The following HNRNPU variants were observed in gnomAD, a reference collection of about 807,000 sequenced individuals.
HNRNPU encodes heterogeneous nuclear ribonucleoprotein U.
Under a neutral mutation model 94.7 loss-of-function variants are expected in HNRNPU, and 5 were observed. The observed-to-expected ratio is 0.05, with a 90% CI of 0.03 to 0.11. HNRNPU has a LOEUF of 0.11. HNRNPU is among the 10% of genes least tolerant of loss of function. The pLI is 1.00. For missense variants in HNRNPU, 710 were observed against 1,049.2 expected, an observed-to-expected ratio of 0.68 and a Z score of 4.47; for synonymous variants, 434 against 381.6, an observed-to-expected ratio of 1.14 and a Z score of -1.60.
At position 244,863,647 on chromosome 1, in the gene HNRNPU, CTCCGCCGCCT is replaced by C. The variant is rs779453109; in HGVS notation, c.651_660del (p.Gly218AlafsTer118). 2.4e-5 allele frequency: 38 copies of C among 1,552,150 alleles called. No individual in the cohort carries two copies. Among genetic ancestry groups the C allele is most frequent in the Middle Eastern group, 2.2e-4 (1 of 4,650 alleles). On this transcript the variant is annotated frameshift_variant, in exon 1 of 14. Transcript: ENST00000640218. LOFTEE classifies it high-confidence loss of function. ...GCCGGAGCCCCGGGGCGACCGCCGC[CTCCGCCGCCT>C]TCCGCCTTCTTCTTACCTCCCGCCT...
intron 12 of HNRNPU, 87 bp from the exon 13 acceptor site, chr1:244,855,131 G>A: frequency 2.9e-6 from 3 of 1,033,726 alleles, no homozygotes; most frequent in South Asian, 2.5e-5. Context: ...GAAATGGACA[G>A]GTTGCTAGCC....
intron 4 of HNRNPU, 62 bp from the exon 5 acceptor site, chr1:244,859,436 G>T: frequency 1.2e-6 from 1 of 816,920 alleles, no homozygotes; most frequent in Non-Finnish European, 2.1e-6. Context: ...CTTAACTCTC[G>T]CATATTTCAT....
rs1680615137 is a variant in HNRNPU at position 244,854,060 on chromosome 1, T to C, written c.*390A>G. The C allele has an allele frequency of 8.6e-6, 2 of 231,752 alleles. No homozygotes were observed. Among genetic ancestry groups the C allele is most frequent in the African/African-American group, 2.4e-5 (1 of 41,906 alleles). The allele number at this position is 231,752 out of a possible 1,614,324, so 14.4% of individuals were successfully genotyped here. A position where few individuals can be genotyped will look rare whatever the true frequency, so the allele number is the denominator to read the frequency against. ...TCTGGTTGCTAACATTTCTATTATA[T>C]TGTGACAATGACTCCCGACTGTTAT... On this transcript the variant is annotated 3_prime_UTR_variant, in exon 14 of 14. Coordinates refer to ENST00000640218, the MANE Select transcript of HNRNPU (RefSeq NM_031844.3).
At position 244,854,916 on chromosome 1, in the gene HNRNPU, A is replaced by T. The variant is rs749188743; in HGVS notation, c.2424+57T>A. On this transcript the variant is annotated intron_variant, in intron 13 of 13. Coordinates refer to ENST00000640218, the MANE Select transcript of HNRNPU (RefSeq NM_031844.3). ...AACAAGATCTTTTTCAAGACTGATAAATCTTAGGAACTCAAAATACAATTA... is the reference window on the plus strand; with the variant it reads ...AACAAGATCTTTTTCAAGACTGATATATCTTAGGAACTCAAAATACAATTA... 6 of 1,313,978 alleles carry T rather than the reference A, an allele frequency of 4.6e-6. No homozygotes were observed. In the Admixed American group the frequency reaches 5.0e-5, roughly 11 times the overall value. The allele number at this position is 1,313,978 out of a possible 1,614,324, so 81.4% of individuals were successfully genotyped here. A position where few individuals can be genotyped will look rare whatever the true frequency, so the allele number is the denominator to read the frequency against.
In HNRNPU at chr1:244,854,501, T is replaced by C. The variant is rs780598974; in HGVS notation, c.2427A>G (p.Gln809=). The change falls in exon 14 of 14, where the codon CAA becomes CAG. Residue 809 remains glutamine (Q), a splice_region_variant and synonymous_variant. Transcript: ENST00000640218. ...SQGYNQWQQG[Q]FWGQKPWSQH... ...GACTCCATGGCTTCTGACCCCAGAATTGCTGTAAGAGAAAATTTTGTTTTT... is the reference window on the plus strand; with the variant it reads ...GACTCCATGGCTTCTGACCCCAGAACTGCTGTAAGAGAAAATTTTGTTTTT... 6.2e-7 allele frequency: 1 copy of C among 1,604,264 alleles called. No homozygotes were observed. Among genetic ancestry groups the C allele is most frequent in the Non-Finnish European group, 8.5e-7 (1 of 1,171,792 alleles).
Position 244,863,736 on chromosome 1 carries a change from G to A in HNRNPU, c.572C>T (p.Thr191Ile). ...KEAAGKSSGP[T>I]SLFAVTVAPP... ...CGCCACCGTCACCGCGAACAGCGAG[G>A]TGGGGCCGCTGCTCTTCCCCGCGGC... The change falls in exon 1 of 14, where the codon ACC becomes ATC. Residue 191 changes from threonine to isoleucine, a missense_variant. Thr to Ile is a moderately conservative substitution (Grantham distance 89, BLOSUM62 -1). Coordinates refer to ENST00000640218, the MANE Select transcript of HNRNPU (RefSeq NM_031844.3). 6.3e-7 allele frequency: 1 copy of A among 1,575,972 alleles called. No homozygotes were observed. The highest frequency in any genetic ancestry group is 8.6e-7 in the Non-Finnish European group (1 of 1,165,910).
At position 244,858,709 on chromosome 1, in the gene HNRNPU, G is replaced by C. The variant is rs748433309; in HGVS notation, c.1230+20C>G. ...CTACTAACTTTGCCATTTATACATAGAAAGTTAGCTTTAACTTACAGCAAA... is the reference window on the plus strand; with the variant it reads ...CTACTAACTTTGCCATTTATACATACAAAGTTAGCTTTAACTTACAGCAAA... On this transcript the variant is annotated intron_variant, in intron 6 of 13. Coordinates refer to ENST00000640218, the MANE Select transcript of HNRNPU (RefSeq NM_031844.3). The C allele has an allele frequency of 1.5e-4, 205 of 1,327,046 alleles. No homozygotes were observed. The highest frequency in any genetic ancestry group is 2.1e-4 in the Non-Finnish European group (195 of 922,442). 82.2% of individuals were successfully genotyped at this position (1,327,046 alleles called of 1,614,324 possible). A position where few individuals can be genotyped will look rare whatever the true frequency, so the allele number is the denominator to read the frequency against.
intron 8 of HNRNPU, 84 bp downstream of exon 8, chr1:244,857,514 T>A: frequency 7.3e-7 from 1 of 1,377,724 alleles, no homozygotes; most frequent in Non-Finnish European, 1.0e-6. Flanking sequence ...CTCAAAATGC[T>A]GAGATTACAG....
rs1486778573 is a variant in HNRNPU, at chr1:244,852,201, A to G, written c.*2249T>C. 2 of 152,174 alleles carry G rather than the reference A, an allele frequency of 1.3e-5. No individual in the cohort carries two copies. Among genetic ancestry groups the G allele is most frequent in the Non-Finnish European group, 2.9e-5 (2 of 68,018 alleles). 9.4% of individuals were successfully genotyped at this position (152,174 alleles called of 1,614,324 possible). A position where few individuals can be genotyped will look rare whatever the true frequency, so the allele number is the denominator to read the frequency against. ...GTACATTCCCTTCTCTGAATTCCTT[A>G]AACACTTTATAAGGTTATTTCTGCC... On this transcript the variant is annotated 3_prime_UTR_variant, in exon 14 of 14. Coordinates refer to ENST00000640218, the MANE Select transcript of HNRNPU (RefSeq NM_031844.3).
At position 244,851,546 on chromosome 1, in the gene HNRNPU, T is replaced by A. The variant is rs1680549148; in HGVS notation, c.*2904A>T. The A allele has an allele frequency of 6.6e-6, 1 of 152,250 alleles. No individual in the cohort carries two copies. Among genetic ancestry groups the A allele is most frequent in the African/African-American group, 2.4e-5 (1 of 41,470 alleles). The allele number at this position is 152,250 out of a possible 1,614,324, so 9.4% of individuals were successfully genotyped here. A position where few individuals can be genotyped will look rare whatever the true frequency, so the allele number is the denominator to read the frequency against. On this transcript the variant is annotated 3_prime_UTR_variant, in exon 14 of 14. Coordinates refer to ENST00000640218, the MANE Select transcript of HNRNPU (RefSeq NM_031844.3). The stretch of plus-strand genomic sequence containing the variant: ...GGTTATGTTTCCTAGAATAATTTTA[T>A]AACTTTTTCAGAGAATTCCTTTAAA...
intron 2 of HNRNPU, 36 bp from the exon 3 acceptor site, chr1:244,862,570 G>A (rs202049338): frequency 7.5e-6 from 12 of 1,608,894 alleles, no homozygotes; most frequent in South Asian, 2.2e-5. Flanking sequence ...ACAGCTTTCC[G>A]ATCAACGAAC....
chr1:244,861,559 A>C (rs1029697477), intron 3 of HNRNPU: 2 of 152,224 alleles, frequency 1.3e-5, no homozygotes, highest in African/African-American at 4.8e-5. Flanking sequence ...ACACTCTTAC[A>C]AATCTGAATA....
chr1:244,857,869 T>C lies in HNRNPU; in HGVS notation c.1494+142A>G. ...TTTATGGAAAGATTAACAGTCAACA[T>C]AAGGGGGAAACAATTACTTAAGAGC... On this transcript the variant is annotated intron_variant, in intron 7 of 13. Transcript: ENST00000640218. The C allele has an allele frequency of 3.8e-6, 5 of 1,300,524 alleles. No individual in the cohort carries two copies. The South Asian group carries it at 5.8e-5, about 15-fold the overall frequency. The allele number at this position is 1,300,524 out of a possible 1,614,324, so 80.6% of individuals were successfully genotyped here.
chr1:244,856,339 T>A, intron 10 of HNRNPU, 118 bp downstream of exon 10: 1 of 1,239,592 alleles, frequency 8.1e-7, no homozygotes. Flanking sequence ...GAAAAAATGT[T>A]AACTTTCAGG....
At position 244,862,499 on chromosome 1, in the gene HNRNPU, T is replaced by G. The variant is rs1168497628; in HGVS notation, c.839A>C (p.Asp280Ala). The G allele has an allele frequency of 4.3e-6, 7 of 1,613,606 alleles. No individual in the cohort carries two copies. Among genetic ancestry groups the G allele is most frequent in the Non-Finnish European group, 4.2e-6 (5 of 1,179,870 alleles). Reference sequence around the variant, plus strand: ...AACCACTGTGTCATCGAAGTGTTCATCTTCTTCTTCAACAGGTGGCTGAGG... The same window carrying G: ...AACCACTGTGTCATCGAAGTGTTCAGCTTCTTCTTCAACAGGTGGCTGAGG... ...KSPQPPVEEE[D>A]EHFDDTVVCL... The change falls in exon 3 of 14, where the codon GAT (aspartate) becomes GCT (alanine). Residue 280 changes from aspartate (D) to alanine (A), a missense_variant. By Grantham distance (126) the Asp-to-Ala change is moderately radical. Coordinates refer to ENST00000640218, the MANE Select transcript of HNRNPU (RefSeq NM_031844.3).
intron 1 of HNRNPU, 66 bp from the exon 2 acceptor site, chr1:244,862,796 G>A (rs1161976742): frequency 3.5e-6 from 4 of 1,143,616 alleles, no homozygotes; most frequent in African/African-American, 1.5e-5. Flanking sequence ...TTTCCGTTCC[G>A]AGAACCAAAG....
rs1474128253 is a variant in HNRNPU, at chr1:244,856,013, G to C, written c.2058C>G (p.Gly686=). 1 of 1,613,988 alleles carries C rather than the reference G, an allele frequency of 6.2e-7. No homozygotes were observed. The highest frequency in any genetic ancestry group is 1.7e-5 in the Admixed American group (1 of 60,002). Residue 686 remains glycine, a synonymous_variant, in exon 11 of 14, where the codon GGC becomes GGG. Transcript: ENST00000640218. Reference sequence around the variant, plus strand: ...TCTTATTTTTATTGCTTTTCTTTGAGCCAGTGTTCTGTTTCTTTTCTGGTG... The same window carrying C: ...TCTTATTTTTATTGCTTTTCTTTGACCCAGTGTTCTGTTTCTTTTCTGGTG... The part of the protein sequence containing the change: ...ALPPEKKQNT[G]SKKSNKNKSG...
chr1:244,851,254 GT>G lies in HNRNPU; in HGVS notation c.*3195del, dbSNP rs986959117. ...TGTTTATGCCTCTCTGTTTATTCTA[GT>G]TTTTTAAAAATCAAATATACAAGAT... is the stretch of plus-strand genomic sequence containing the variant. On this transcript the variant is annotated 3_prime_UTR_variant, in exon 14 of 14. Coordinates refer to ENST00000640218, the MANE Select transcript of HNRNPU (RefSeq NM_031844.3). 2 of 151,772 alleles carry G rather than the reference GT, an allele frequency of 1.3e-5. No homozygotes were observed. The highest frequency in any genetic ancestry group is 2.4e-5 in the African/African-American group (1 of 41,278). The allele number at this position is 151,772 out of a possible 1,614,324, so 9.4% of individuals were successfully genotyped here.
intron 8 of HNRNPU, chr1:244,857,247 CT>C (rs36015618): frequency 0.14 from 25,039 of 173,920 alleles, 1,350 homozygotes; most frequent in Middle Eastern, 0.25. Context: ...TTTTTCTTTT[CT>C]TTTTTTTTTT....
Sources: allele counts gnomAD v4.1 joint callset, GRCh38; gene constraint gnomAD v4.1.1; transcripts MANE v1.5; gene names NCBI Gene and HGNC (gene_info 2026-07-23, HGNC 2026-07-21).